Variants in PTGER4 observed in about 807,000 individuals in gnomAD.
PTGER4 encodes the protein prostaglandin E2 receptor EP4 subtype.
In PTGER4, 11 loss-of-function variants were observed where a neutral mutation model predicts 33.2. The observed-to-expected ratio is 0.33, with a 90% CI of 0.21 to 0.55. The LOEUF (loss-of-function observed/expected upper bound fraction) is 0.55. PTGER4 is among the 20% of genes least tolerant of loss of function. PTGER4 has a pLI of 0.92. For synonymous variants in PTGER4, 275 were observed against 281.5 expected (o/e 0.98, Z 0.23); for missense variants, 481 against 650.2 (o/e 0.74, Z 2.83).
the PTGER4 span, among the ~76,000 whole-genome samples, chr5:40,730,822 C>T: frequency 2.6e-5 from 4 of 152,030 alleles, no homozygotes. Context: ...GAAATGGGTT[C>T]ATATGTAACA....
At chr5:40,725,035 C>T in the PTGER4 span, among the ~76,000 whole-genome samples, 9 of 151,900 alleles carry the variant, frequency 5.9e-5, no homozygotes, top group South Asian at 2.1e-4. Flanking sequence ...TTAGTAGAGA[C>T]GACGTTTCAC....
chr5:40,743,956 T>C, the PTGER4 span, among the ~76,000 whole-genome samples: 757 of 152,324 alleles, frequency 5.0e-3, 8 homozygotes, highest in African/African-American at 0.017. Flanking sequence ...ACAAGAGTTA[T>C]TGTGTTTGTC....
chr5:40,727,226 G>T, the PTGER4 span, among the ~76,000 whole-genome samples: 2 of 152,086 alleles, frequency 1.3e-5, no homozygotes, highest in Non-Finnish European at 2.9e-5. Flanking sequence ...AGTAATTTTA[G>T]TCTTGCAAGA....
chr5:40,716,106 A>G, the PTGER4 span: 1 of 1,496,480 alleles, frequency 6.7e-7, no homozygotes, highest in Non-Finnish European at 9.0e-7. Context: ...TCAAGAGGCA[A>G]TCAAAAAGAC....
chr5:40,692,566 A>C lies in PTGER4; in HGVS notation c.*188A>C. The C allele has an allele frequency of 7.2e-7, 1 of 1,384,032 alleles. No homozygotes were observed. The highest frequency in any genetic ancestry group is 9.3e-7 in the Non-Finnish European group (1 of 1,071,618). The allele number at this position is 1,384,032 out of a possible 1,614,324, so 85.7% of individuals were successfully genotyped here. A position where few individuals can be genotyped will look rare whatever the true frequency, so the allele number is the denominator to read the frequency against. On this transcript the variant is annotated 3_prime_UTR_variant, in exon 3 of 3. Coordinates refer to ENST00000302472, the MANE Select transcript of PTGER4 (RefSeq NM_000958.3). The stretch of plus-strand genomic sequence containing the variant: ...GACTCACGTGGGTCCTGAGGCCTGC[A>C]GCACGTCGGATGCTACCCCACTATG...
the PTGER4 span, among the ~76,000 whole-genome samples, chr5:40,729,713 T>G: frequency 6.6e-6 from 1 of 152,316 alleles, no homozygotes; most frequent in Non-Finnish European, 1.5e-5. Context: ...TTATTTATTT[T>G]TTTGAGATGG....
the PTGER4 span, among the ~76,000 whole-genome samples, chr5:40,705,092 G>A: frequency 6.6e-6 from 1 of 152,118 alleles, no homozygotes; most frequent in African/African-American, 2.4e-5. Flanking sequence ...AGGCTACGGT[G>A]ACCAAAACAA....
the PTGER4 span, among the ~76,000 whole-genome samples, chr5:40,724,940 C>T: frequency 1.3e-5 from 2 of 151,302 alleles, 1 homozygote. Flanking sequence ...GCAACCTCCA[C>T]CTGCCAGGTT....
At chr5:40,725,150 A>ATT in the PTGER4 span, among the ~76,000 whole-genome samples, 18 of 139,284 alleles carry the variant, frequency 1.3e-4, no homozygotes, top group East Asian at 2.1e-4. Flanking sequence ...GCCCAGCCAA[A>ATT]TTTTTTTTTT....
At chr5:40,698,843 G>T in the PTGER4 span, among the ~76,000 whole-genome samples, 2 of 152,136 alleles carry the variant, frequency 1.3e-5, no homozygotes, top group East Asian at 3.9e-4. Flanking sequence ...GTTGATGAGG[G>T]AAAGTTTTTC....
At chr5:40,697,286 GAAAGA>G (rs1741633569), downstream of PTGER4, among the ~76,000 whole-genome samples, 1 of 131,196 alleles carries the variant, frequency 7.6e-6, no homozygotes, top group African/African-American at 2.6e-5. Context: ...AAGAAAGAAA[GAAAGA>G]AAGAAAAAGA....
chr5:40,743,745 G>T, the PTGER4 span, among the ~76,000 whole-genome samples: 4 of 152,268 alleles, frequency 2.6e-5, no homozygotes, highest in Admixed American at 6.5e-5. Flanking sequence ...CTGCACTCCA[G>T]CCTGGGCAAC....
the PTGER4 span, among the ~76,000 whole-genome samples, chr5:40,738,572 A>AAAATAAAATAAAATAAAAT: frequency 1.3e-5 from 1 of 76,710 alleles, no homozygotes; most frequent in African/African-American, 5.4e-5. Context: ...TAAAATATAA[A>AAAATAAAATAAAATAAAAT]ATAAAATAAA....
Position 40,693,518 on chromosome 5 carries a change from T to TA in PTGER4, c.*1142dup. 1 of 985,920 alleles carries TA rather than the reference T, an allele frequency of 1.0e-6. No homozygotes were observed. The highest frequency in any genetic ancestry group is 1.2e-6 in the Non-Finnish European group (1 of 829,856). 61.1% of individuals were successfully genotyped at this position (985,920 alleles called of 1,614,324 possible). ...GTCAGAAGTGCAGAATTGGGGCACT[T>TA]AATGGTCACCTTGTAACAGTTTTGT... On this transcript the variant is annotated 3_prime_UTR_variant, in exon 3 of 3. Coordinates refer to ENST00000302472, the MANE Select transcript of PTGER4 (RefSeq NM_000958.3).
chr5:40,689,989 A>G, intron 2 of PTGER4, among the ~76,000 whole-genome samples: 1 of 152,178 alleles, frequency 6.6e-6, no homozygotes, highest in South Asian at 2.1e-4. Context: ...TTTTATATAA[A>G]TGATCCCAGT....
intron 2 of PTGER4, among the ~76,000 whole-genome samples, chr5:40,690,647 G>A (rs1741444633): frequency 6.6e-6 from 1 of 152,210 alleles, no homozygotes; most frequent in South Asian, 2.1e-4. Context: ...TGCTGTTGGT[G>A]TAAAACTTTT....
chr5:40,716,074 T>TA, the PTGER4 span: 1 of 1,291,520 alleles, frequency 7.7e-7, no homozygotes, highest in Non-Finnish European at 1.1e-6. Flanking sequence ...ATCTCCAGAG[T>TA]AAATGTCTCT....
At chr5:40,687,551 CA>C (rs1741357135) in intron 2 of PTGER4, among the ~76,000 whole-genome samples, 1 of 152,228 alleles carries the variant, frequency 6.6e-6, no homozygotes, top group Non-Finnish European at 1.5e-5. Context: ...TTGGAAACAG[CA>C]AATCAAGTAG....
At chr5:40,709,165 G>A in the PTGER4 span, among the ~76,000 whole-genome samples, 5 of 152,144 alleles carry the variant, frequency 3.3e-5, no homozygotes, top group Admixed American at 2.0e-4. Context: ...TCAACATAGC[G>A]TTGGAAGTTC....
Sources: gnomAD v4.1 joint callset for allele counts (sites outside exome capture counted in the v4.1 genomes callset) on GRCh38, gnomAD v4.1.1 for gene constraint, MANE v1.5 for transcripts, NCBI Gene and HGNC (gene_info 2026-07-23, HGNC 2026-07-21) for gene names.